STK3: variants seen among roughly 807,000 people sequenced by gnomAD.
STK3 encodes the protein serine/threonine-protein kinase 3.
Under a neutral mutation model 58.0 loss-of-function variants are expected in STK3, and 41 were observed. The observed-to-expected ratio is 0.71, with a 90% CI of 0.55 to 0.92. The LOEUF (loss-of-function observed/expected upper bound fraction) is 0.92. Among genes scored for constraint, STK3 ranks in the 40% least tolerant of loss-of-function variants. STK3 has a pLI of 0.00. For synonymous variants in STK3, 170 were observed against 191.0 expected (o/e 0.89, Z 0.91); for missense variants, 479 against 602.7 (o/e 0.79, Z 2.15).
At chr8:98,669,083 G>A (rs1259440544) in intron 6 of STK3, among the ~76,000 whole-genome samples, 6 of 139,932 alleles carry the variant, frequency 4.3e-5, no homozygotes, top group Non-Finnish European at 6.0e-5. Context: ...TGCAACCTCC[G>A]TCTCCTGGCT....
At chr8:98,473,745 T>C (rs1320901900) in intron 10 of STK3, among the ~76,000 whole-genome samples, 2 of 152,168 alleles carry the variant, frequency 1.3e-5, no homozygotes, top group Admixed American at 1.3e-4. Context: ...TACAACACCA[T>C]GCTCTCTTTT....
rs910156115 is a variant in STK3, at chr8:98,533,116, T to C, written c.1142-6199A>G. Among the ~76,000 whole-genome samples the C allele has an allele frequency of 7.2e-5, 11 of 152,306 alleles. No homozygotes were observed. In the East Asian group the frequency reaches 2.1e-3, roughly 29 times the overall value. On this transcript the variant is annotated intron_variant, in intron 9 of 10. Transcript: ENST00000419617. ...ATCCATTTGTCTGTCAATGAACACT[T>C]GGGTTTTTCTACTTTTGTTGAATAA...
chr8:98,645,862 C>T (rs2130649203), intron 6 of STK3, among the ~76,000 whole-genome samples: 1 of 152,076 alleles, frequency 6.6e-6, no homozygotes, highest in African/African-American at 2.4e-5. Flanking sequence ...CGAGTAGAGA[C>T]AGGGTTTTGC....
chr8:98,858,335 G>A (rs1163697844), intron 3 of STK3, among the ~76,000 whole-genome samples: 3 of 124,888 alleles, frequency 2.4e-5, no homozygotes, highest in East Asian at 2.4e-4. Context: ...GAGAGAGAGA[G>A]AGAGAGAGAG....
chr8:98,385,648 C>T (rs1817783327), intron 1 of STK3, among the ~76,000 whole-genome samples: 1 of 152,108 alleles, frequency 6.6e-6, no homozygotes, highest in Non-Finnish European at 1.5e-5. Flanking sequence ...TCACTGTAGC[C>T]CTGCTCCAAG....
chr8:98,805,017 G>A (rs759382111), intron 1 of STK3, among the ~76,000 whole-genome samples: 12 of 152,152 alleles, frequency 7.9e-5, no homozygotes, highest in Non-Finnish European at 1.6e-4. Flanking sequence ...AAGAGAACTG[G>A]AAATGTGCAA....
chr8:98,468,344 A>T (rs550340749), intron 10 of STK3, among the ~76,000 whole-genome samples: 1 of 152,352 alleles, frequency 6.6e-6, no homozygotes, highest in Admixed American at 6.5e-5. Flanking sequence ...GGCTGAAACA[A>T]TATTTAATTT....
intron 3 of STK3, among the ~76,000 whole-genome samples, chr8:98,842,176 G>A (rs1836018156): frequency 1.3e-5 from 2 of 152,114 alleles, no homozygotes; most frequent in South Asian, 4.1e-4. Flanking sequence ...ATGAGACGAT[G>A]CAATATTTAA....
At chr8:98,802,618 C>T (rs1441976406) in intron 1 of STK3, among the ~76,000 whole-genome samples, 9 of 151,972 alleles carry the variant, frequency 5.9e-5, no homozygotes, top group Admixed American at 5.9e-4. Flanking sequence ...GGTATTAAAT[C>T]TAATTAAATT....
chr8:98,709,926 A>T (rs1563916591), intron 4 of STK3, among the ~76,000 whole-genome samples: 5 of 150,414 alleles, frequency 3.3e-5, no homozygotes, highest in African/African-American at 7.3e-5. Context: ...AGTTTTTGCC[A>T]TTTTTTTTTT....
At chr8:98,377,676 C>T (rs1191095634) in intron 2 of STK3, among the ~76,000 whole-genome samples, 1 of 152,026 alleles carries the variant, frequency 6.6e-6, no homozygotes, top group Non-Finnish European at 1.5e-5. Context: ...CTCTTATGGG[C>T]CAATAGGTTT....
intron 6 of STK3, among the ~76,000 whole-genome samples, chr8:98,605,032 A>G (rs1816669324): frequency 6.6e-6 from 1 of 152,130 alleles, no homozygotes; most frequent in Admixed American, 6.5e-5. Context: ...CCTCATCTCC[A>G]TCCGAGACCT....
downstream of STK3, among the ~76,000 whole-genome samples, chr8:98,453,168 A>G (rs1370485481): frequency 3.0e-5 from 3 of 99,974 alleles, 1 homozygote; most frequent in African/African-American, 1.2e-4. Flanking sequence ...GCCCACTGCA[A>G]CCTTCTGCCT....
At chr8:98,501,078 C>T (rs965005877) in intron 10 of STK3, among the ~76,000 whole-genome samples, 2 of 152,092 alleles carry the variant, frequency 1.3e-5, no homozygotes, top group African/African-American at 4.8e-5. Context: ...TCTGTTGTTT[C>T]CTGACTTTTT....
chr8:98,787,750 C>A (rs1214389613), intron 1 of STK3, among the ~76,000 whole-genome samples: 2 of 152,180 alleles, frequency 1.3e-5, no homozygotes, highest in Non-Finnish European at 2.9e-5. Flanking sequence ...AAAAACTTTA[C>A]AAGCTAGAAG....
At chr8:98,902,648 C>T (rs1311305822) in intron 1 of STK3, among the ~76,000 whole-genome samples, 1 of 152,236 alleles carries the variant, frequency 6.6e-6, no homozygotes, top group Admixed American at 6.5e-5. Context: ...AGCTAGCTAG[C>T]TAATCACCCT....
chr8:98,464,504 G>A (rs569353069), intron 10 of STK3, among the ~76,000 whole-genome samples: 1 of 127,302 alleles, frequency 7.9e-6, no homozygotes, highest in South Asian at 2.4e-4. Context: ...TTGCCCATAA[G>A]GCTGAGCCAC....
At chr8:98,362,754 C>T in the STK3 span, among the ~76,000 whole-genome samples, 2 of 152,158 alleles carry the variant, frequency 1.3e-5, no homozygotes, top group African/African-American at 4.8e-5. Context: ...ACCTAAATTC[C>T]TATCACACAG....
downstream of STK3, among the ~76,000 whole-genome samples, chr8:98,366,635 T>C (rs1375685839): frequency 6.6e-6 from 1 of 152,260 alleles, no homozygotes; most frequent in Admixed American, 6.5e-5. Context: ...TCCTTTATCA[T>C]AAACTAAGCT....
Sources: gnomAD v4.1 joint callset for allele counts (sites outside exome capture counted in the v4.1 genomes callset) on GRCh38, gnomAD v4.1.1 for gene constraint, MANE v1.5 for transcripts, NCBI Gene and HGNC (gene_info 2026-07-23, HGNC 2026-07-21) for gene names.